Variants in SLC35D4 observed in about 807,000 individuals in gnomAD.
The protein encoded by SLC35D4 is solute carrier family 35 member D4.
the SLC35D4 span, among the ~76,000 whole-genome samples, chr18:23,307,286 T>A: frequency 6.6e-6 from 1 of 152,236 alleles, no homozygotes; most frequent in Admixed American, 6.5e-5. Context: ...ACATATATAT[T>A]CCCCAAATTA....
the SLC35D4 span, among the ~76,000 whole-genome samples, chr18:23,239,977 G>A: frequency 6.6e-6 from 1 of 152,172 alleles, no homozygotes; most frequent in South Asian, 2.1e-4. Context: ...AATTAGCCAG[G>A]TGTGGTGTTG....
the SLC35D4 span, among the ~76,000 whole-genome samples, chr18:23,254,434 C>T: frequency 6.6e-6 from 1 of 152,162 alleles, no homozygotes; most frequent in Non-Finnish European, 1.5e-5. Flanking sequence ...TACATGAATG[C>T]CTGTTTTAGA....
At chr18:23,364,278 C>T in the SLC35D4 span, among the ~76,000 whole-genome samples, 2 of 151,974 alleles carry the variant, frequency 1.3e-5, no homozygotes, top group African/African-American at 4.8e-5. Flanking sequence ...TTATGCATAG[C>T]AAGTGGTGAG....
At chr18:23,255,782 A>G in the SLC35D4 span, among the ~76,000 whole-genome samples, 1 of 152,044 alleles carries the variant, frequency 6.6e-6, no homozygotes, top group Non-Finnish European at 1.5e-5. Context: ...GCTAGTCTCG[A>G]ACTCCTGGCC....
chr18:23,361,348 AG>A, the SLC35D4 span, among the ~76,000 whole-genome samples: 1 of 152,128 alleles, frequency 6.6e-6, no homozygotes, highest in Non-Finnish European at 1.5e-5. Flanking sequence ...GTAATAAGCA[AG>A]TGAAAAAGAA....
At chr18:23,363,877 A>G in the SLC35D4 span, among the ~76,000 whole-genome samples, 2 of 152,228 alleles carry the variant, frequency 1.3e-5, no homozygotes, top group African/African-American at 4.8e-5. Context: ...CTTTCAGCAA[A>G]TGACAGCAGA....
the SLC35D4 span, among the ~76,000 whole-genome samples, chr18:23,348,685 G>A: frequency 6.6e-6 from 1 of 152,016 alleles, no homozygotes; most frequent in Non-Finnish European, 1.5e-5. Flanking sequence ...TGTCTGTGTG[G>A]TTCTTCCATC....
the SLC35D4 span, among the ~76,000 whole-genome samples, chr18:23,414,334 GC>G: frequency 9.7e-5 from 14 of 144,806 alleles, no homozygotes; most frequent in Non-Finnish European, 2.0e-4. Flanking sequence ...AGGAAGGAAG[GC>G]AGGCAGGCAG....
At chr18:23,355,516 G>A in the SLC35D4 span, among the ~76,000 whole-genome samples, 2 of 151,982 alleles carry the variant, frequency 1.3e-5, no homozygotes, top group Non-Finnish European at 2.9e-5. Context: ...AATTGTGTCA[G>A]TGTTTTCCTG....
the SLC35D4 span, chr18:23,298,076 A>G: frequency 5.0e-6 from 8 of 1,613,756 alleles, no homozygotes; most frequent in Non-Finnish European, 6.8e-6. Flanking sequence ...GGCTGCAAAC[A>G]ACAGCAGAAG....
At chr18:23,437,675 AG>A in the SLC35D4 span, 1 of 1,196,514 alleles carries the variant, frequency 8.4e-7, no homozygotes, top group Non-Finnish European at 1.2e-6. Flanking sequence ...CATCGCCACC[AG>A]GAAGAATGAG....
chr18:23,426,411 T>G, the SLC35D4 span, among the ~76,000 whole-genome samples: 1 of 152,120 alleles, frequency 6.6e-6, no homozygotes. Flanking sequence ...TGAATTCCCA[T>G]TCACAATTGC....
chr18:23,242,450 C>A, the SLC35D4 span, among the ~76,000 whole-genome samples: 1 of 152,162 alleles, frequency 6.6e-6, no homozygotes, highest in South Asian at 2.1e-4. Context: ...GCTTCCAGCT[C>A]TCTGCACCTC....
the SLC35D4 span, among the ~76,000 whole-genome samples, chr18:23,427,237 C>T: frequency 6.6e-6 from 1 of 152,212 alleles, no homozygotes; most frequent in Non-Finnish European, 1.5e-5. Flanking sequence ...AGGCAACCCA[C>T]AGAATGGGAG....
At chr18:23,352,164 A>G in the SLC35D4 span, 1 of 1,570,056 alleles carries the variant, frequency 6.4e-7, no homozygotes, top group South Asian at 1.2e-5. Flanking sequence ...CAGGCTCTTG[A>G]GAGAGAATTT....
the SLC35D4 span, among the ~76,000 whole-genome samples, chr18:23,397,520 A>G: frequency 6.6e-6 from 1 of 152,182 alleles, no homozygotes; most frequent in Non-Finnish European, 1.5e-5. Context: ...CTGGATTCTG[A>G]GTGTAATACT....
chr18:23,270,102 C>T, the SLC35D4 span, among the ~76,000 whole-genome samples: 1 of 152,186 alleles, frequency 6.6e-6, no homozygotes, highest in African/African-American at 2.4e-5. Context: ...GCCCAGAGGC[C>T]TAGGAGGAAA....
the SLC35D4 span, chr18:23,421,584 T>G: frequency 7.3e-6 from 5 of 689,284 alleles, no homozygotes; most frequent in Non-Finnish European, 1.3e-5. Flanking sequence ...CTCTCCCAAT[T>G]ATCCCATTTC....
the SLC35D4 span, among the ~76,000 whole-genome samples, chr18:23,384,266 G>A: frequency 6.6e-6 from 1 of 152,036 alleles, no homozygotes; most frequent in Admixed American, 6.6e-5. Context: ...ACTCCAGCCT[G>A]GGCGACAGAG....
Sources: allele counts gnomAD v4.1 joint callset (sites outside exome capture counted in the v4.1 genomes callset), GRCh38; gene constraint gnomAD v4.1.1; transcripts MANE v1.5; gene names NCBI Gene and HGNC (gene_info 2026-07-23, HGNC 2026-07-21).